AGBL1: variants seen among roughly 807,000 people sequenced by gnomAD.
AGBL1 encodes AGBL carboxypeptidase 1, also known as cytosolic carboxypeptidase 4.
In AGBL1, 130 loss-of-function variants were observed where a neutral mutation model predicts 118.9. That is an observed-to-expected ratio of 1.09 (90% CI 0.95 to 1.26). The LOEUF (loss-of-function observed/expected upper bound fraction) is 1.26, where lower values mean the gene tolerates loss of function less well. Among genes scored for constraint, AGBL1 ranks in the 50% most tolerant of loss-of-function variants. The pLI, the probability that AGBL1 is intolerant of heterozygous loss-of-function variation, is 0.00. For synonymous variants in AGBL1, 555 were observed against 478.9 expected (o/e 1.16, Z -2.08); for missense variants, 1,584 against 1,298.1 (o/e 1.22, Z -3.38).
At chr15:86,155,376 G>A (rs1269176657) in intron 4 of AGBL1, among the ~76,000 whole-genome samples, 1 of 152,156 alleles carries the variant, frequency 6.6e-6, no homozygotes, top group Middle Eastern at 3.2e-3. Flanking sequence ...CTTGAGCCCA[G>A]GAAGTCATGG....
At chr15:86,461,701 A>G (rs1176690649) in intron 18 of AGBL1, among the ~76,000 whole-genome samples, 1 of 152,212 alleles carries the variant, frequency 6.6e-6, no homozygotes, top group Admixed American at 6.5e-5. Flanking sequence ...TATAACATAT[A>G]TAAAACACAA....
intron 23 of AGBL1, among the ~76,000 whole-genome samples, chr15:86,927,467 G>T (rs2080556460): frequency 6.6e-6 from 1 of 151,366 alleles, no homozygotes; most frequent in African/African-American, 2.4e-5. Flanking sequence ...AGGCCTATAA[G>T]TCCTAGCTAC....
At chr15:86,691,723 CCTTTT>C (rs1342270457) in intron 22 of AGBL1, among the ~76,000 whole-genome samples, 64 of 152,190 alleles carry the variant, frequency 4.2e-4, no homozygotes, top group Admixed American at 4.1e-3. Flanking sequence ...CCGATTTGCT[CCTTTT>C]CTTTTCCCAT....
At chr15:86,477,406 A>G (rs2082576394) in intron 18 of AGBL1, among the ~76,000 whole-genome samples, 1 of 152,234 alleles carries the variant, frequency 6.6e-6, no homozygotes, top group East Asian at 1.9e-4. Flanking sequence ...GGATATCACC[A>G]CCGATTCCAC....
intron 21 of AGBL1, among the ~76,000 whole-genome samples, chr15:86,574,538 A>G (rs36083536): frequency 0.41 from 61,090 of 150,064 alleles, 13,981 homozygotes; most frequent in Middle Eastern, 0.54. Context: ...GAGATACATA[A>G]CATATGTTCT....
intron 3 of AGBL1, among the ~76,000 whole-genome samples, chr15:86,149,405 T>C (rs2077076410): frequency 6.6e-6 from 1 of 152,052 alleles, no homozygotes; most frequent in South Asian, 2.1e-4. Flanking sequence ...AAGATGCACA[T>C]AGGCTCAAAA....
intron 1 of AGBL1, among the ~76,000 whole-genome samples, chr15:86,110,198 C>A (rs1366520287): frequency 6.6e-6 from 1 of 152,124 alleles, no homozygotes; most frequent in Non-Finnish European, 1.5e-5. Flanking sequence ...TACAGTTGAC[C>A]CTTAAACAAC....
intron 5 of AGBL1, among the ~76,000 whole-genome samples, chr15:86,189,743 C>T (rs1188844175): frequency 6.6e-6 from 1 of 152,344 alleles, no homozygotes; most frequent in East Asian, 1.9e-4. Context: ...TGCTGTGCTT[C>T]TGCAGAACCA....
At chr15:86,762,433 A>G (rs2141273846) in intron 22 of AGBL1, among the ~76,000 whole-genome samples, 1 of 152,152 alleles carries the variant, frequency 6.6e-6, no homozygotes, top group South Asian at 2.1e-4. Flanking sequence ...GTTGAATCCA[A>G]ATGTGAAATA....
At chr15:86,211,450 G>T (rs2078096543) in intron 5 of AGBL1, among the ~76,000 whole-genome samples, 2 of 152,218 alleles carry the variant, frequency 1.3e-5, no homozygotes, top group Admixed American at 1.3e-4. Context: ...CAGAGCTGGG[G>T]TCTACAGAGG....
chr15:86,988,203 C>G (rs569933143), intron 24 of AGBL1: 2 of 1,318,052 alleles, frequency 1.5e-6, no homozygotes, highest in Non-Finnish European at 2.1e-6. Flanking sequence ...GGTGGGCCAA[C>G]AACAAAAAAA....
intron 22 of AGBL1, among the ~76,000 whole-genome samples, chr15:86,889,136 C>T (rs2141552100): frequency 1.3e-5 from 2 of 152,096 alleles, no homozygotes; most frequent in South Asian, 4.2e-4. Flanking sequence ...CCTGACCTTT[C>T]CCATGCCATA....
chr15:86,106,509 T>G (rs1426009633), intron 1 of AGBL1, among the ~76,000 whole-genome samples: 1 of 152,252 alleles, frequency 6.6e-6, no homozygotes, highest in Non-Finnish European at 1.5e-5. Context: ...AGGGGATGTT[T>G]GGCAATGTCT....
At chr15:86,858,595 T>C (rs1455310436) in intron 22 of AGBL1, among the ~76,000 whole-genome samples, 2 of 152,174 alleles carry the variant, frequency 1.3e-5, no homozygotes, top group Non-Finnish European at 2.9e-5. Flanking sequence ...AGGAGACTGT[T>C]GTAAGCACTG....
At chr15:86,393,660 C>T (rs183225264) in intron 17 of AGBL1, among the ~76,000 whole-genome samples, 1 of 152,276 alleles carries the variant, frequency 6.6e-6, no homozygotes, top group East Asian at 1.9e-4. Context: ...GCCTAGCTAG[C>T]TAACTGTACA....
chr15:86,773,672 T>C (rs571894683), intron 22 of AGBL1, among the ~76,000 whole-genome samples: 2 of 151,820 alleles, frequency 1.3e-5, no homozygotes, highest in Non-Finnish European at 2.9e-5. Flanking sequence ...TGGATGTCAA[T>C]ACAATTAGCC....
intron 22 of AGBL1, among the ~76,000 whole-genome samples, chr15:86,794,550 G>A (rs1363612943): frequency 6.6e-6 from 1 of 152,048 alleles, no homozygotes; most frequent in Non-Finnish European, 1.5e-5. Flanking sequence ...AGCATTGTGA[G>A]CGCAGTAAAA....
intron 22 of AGBL1, among the ~76,000 whole-genome samples, chr15:86,818,369 A>G (rs773570604): frequency 3.9e-5 from 6 of 152,222 alleles, no homozygotes; most frequent in Non-Finnish European, 7.3e-5. Flanking sequence ...AAGCGGCAGC[A>G]TTAGATTCTC....
intron 22 of AGBL1, among the ~76,000 whole-genome samples, chr15:86,736,363 G>A (rs2077599184): frequency 6.6e-6 from 1 of 151,186 alleles, no homozygotes; most frequent in Admixed American, 6.6e-5. Context: ...CTGGGTGACA[G>A]AGTGAAACTC....
Sources: allele counts gnomAD v4.1 joint callset (sites outside exome capture counted in the v4.1 genomes callset), GRCh38; gene constraint gnomAD v4.1.1; transcripts MANE v1.5; gene names NCBI Gene and HGNC (gene_info 2026-07-23, HGNC 2026-07-21).